GRHL1: variants seen among roughly 807,000 people sequenced by gnomAD.
GRHL1 encodes the protein grainyhead-like protein 1 homolog.
Under a neutral mutation model 75.7 loss-of-function variants are expected in GRHL1, and 38 were observed. The ratio of observed to expected loss-of-function variants is 0.50; its 90% CI spans 0.39 to 0.66. The LOEUF (loss-of-function observed/expected upper bound fraction) is 0.66. Ranked by LOEUF, GRHL1 falls within the 30% of genes least tolerant of loss-of-function variation. The probability of loss-of-function intolerance (pLI) is 0.00; values close to 1 mark genes in which losing one functional copy is unlikely to be tolerated. For missense variants in GRHL1, 589 were observed against 767.5 expected (o/e 0.77, Z 2.75); for synonymous variants, 266 against 279.4 (o/e 0.95, Z 0.48).
At chr2:9,952,300 T>A (rs1666823506) in intron 1 of GRHL1, among the ~76,000 whole-genome samples, 1 of 152,144 alleles carries the variant, frequency 6.6e-6, no homozygotes, top group Non-Finnish European at 1.5e-5. Context: ...CTCCAGGTAA[T>A]CTGTGGTCTC....
intron 3 of GRHL1, chr2:9,960,747 C>G: frequency 3.5e-6 from 1 of 282,588 alleles, no homozygotes; most frequent in East Asian, 6.6e-5. Flanking sequence ...CGCATAGCTT[C>G]AGGTTTCTAG....
chr2:9,982,173 A>G (rs1668223856), intron 8 of GRHL1, among the ~76,000 whole-genome samples: 1 of 152,208 alleles, frequency 6.6e-6, no homozygotes, highest in South Asian at 2.1e-4. Context: ...ATTTTGTTTA[A>G]TGTTAAAAAC....
At chr2:9,953,022 C>G (rs765441270) in intron 1 of GRHL1, 7 of 456,660 alleles carry the variant, frequency 1.5e-5, no homozygotes, top group Non-Finnish European at 3.1e-5. Flanking sequence ...AAGCCTACTT[C>G]CTGACTGTCA....
chr2:9,973,109 T>A (rs1667802422), intron 8 of GRHL1, among the ~76,000 whole-genome samples: 1 of 152,216 alleles, frequency 6.6e-6, no homozygotes, highest in Non-Finnish European at 1.5e-5. Context: ...GCCAATTCTT[T>A]TTCTTTTCCC....
At chr2:9,965,404 CT>C in intron 8 of GRHL1, 23 bp downstream of exon 8, 5 of 1,317,356 alleles carry the variant, frequency 3.8e-6, no homozygotes, top group Non-Finnish European at 5.5e-6. Context: ...GTCTGGGCGC[CT>C]TATGTCCAGC....
At chr2:9,976,897 T>C (rs900775835) in intron 8 of GRHL1, among the ~76,000 whole-genome samples, 1 of 152,234 alleles carries the variant, frequency 6.6e-6, no homozygotes, top group Non-Finnish European at 1.5e-5. Context: ...TGGAGTCACA[T>C]AAATAGCTTG....
At chr2:9,975,257 A>C (rs1667898900) in intron 8 of GRHL1, among the ~76,000 whole-genome samples, 1 of 152,220 alleles carries the variant, frequency 6.6e-6, no homozygotes, top group African/African-American at 2.4e-5. Context: ...GTATTTGTCA[A>C]ATAAAAATTG....
chr2:9,998,821 T>TAC lies in GRHL1; in HGVS notation c.1678-140_1678-139dup, dbSNP rs1213618877. 2.2e-4 allele frequency: 24 copies of TAC among 106,728 alleles called. 2 individuals are homozygous for TAC. Among genetic ancestry groups the TAC allele is most frequent in the Admixed American group, 3.0e-4 (2 of 6,566 alleles). The allele number at this position is 106,728 out of a possible 1,614,324, so 6.6% of individuals were successfully genotyped here. On this transcript the variant is annotated intron_variant, in intron 14 of 15. Coordinates refer to ENST00000324907, the MANE Select transcript of GRHL1 (RefSeq NM_198182.3). Reference sequence around the variant, plus strand: ...ACACATATATATACGTATATATATGTACACATATATATATACGTATATATA... The same window carrying TAC: ...ACACATATATATACGTATATATATGTACACACATATATATATACGTATATATA...
chr2:9,953,421 T>C (rs1317387196), intron 1 of GRHL1, among the ~76,000 whole-genome samples: 1 of 152,246 alleles, frequency 6.6e-6, no homozygotes, highest in African/African-American at 2.4e-5. Flanking sequence ...CTTTGTATAT[T>C]TCTTTATTTT....
chr2:9,962,589 C>A, intron 5 of GRHL1, 58 bp downstream of exon 5: 1 of 935,862 alleles, frequency 1.1e-6, no homozygotes, highest in Non-Finnish European at 1.7e-6. Context: ...TTATTCCTTT[C>A]TTGTTAACTT....
At position 9,990,742 on chromosome 2, in the gene GRHL1, G is replaced by A; in HGVS notation, c.1316G>A (p.Arg439Lys). Reference protein sequence around the residue: ...IRDEERKQSKRKVSDVKVPLL... With the variant: ...IRDEERKQSKKKVSDVKVPLL... ...GATGAAGAACGAAAGCAAAGCAAAA[G>A]AAAAGGCAAGTGTCCTGACCCCAGC... The change falls in exon 10 of 16, where the codon AGA (arginine) becomes AAA (lysine). Residue 439 changes from arginine to lysine, a missense_variant. Transcript: ENST00000324907. This position sits in a 1 kb window ranked among gnomAD's most constrained non-coding sequence, Gnocchi z 4.2. The A allele has an allele frequency of 6.2e-7, 1 of 1,612,172 alleles. No homozygotes were observed. The highest frequency in any genetic ancestry group is 2.2e-5 in the East Asian group (1 of 44,794).
In GRHL1 at chr2:9,954,934, C is replaced by A. The variant is rs1205014245; in HGVS notation, c.40C>A (p.Leu14Ile). Residue 14 changes from leucine to isoleucine, a missense_variant, in exon 2 of 16, where the codon CTT becomes ATT. Around this residue, in one of 5 missense-constraint regions of GRHL1, gnomAD observed 362 missense variants for 461.8 expected, o/e 0.78. Transcript: ENST00000324907. Reference protein sequence around the residue: ...EYDNKRPVLVLQNEALYPQRR... With the variant: ...EYDNKRPVLVIQNEALYPQRR... ...CTGAAGCAAACGGCCAGTGTTGGTTCTTCAGAATGAAGCACTTTATCCACA... is the reference window on the plus strand; with the variant it reads ...CTGAAGCAAACGGCCAGTGTTGGTTATTCAGAATGAAGCACTTTATCCACA... The A allele has an allele frequency of 6.2e-7, 1 of 1,612,942 alleles. No individual in the cohort carries two copies. The highest frequency in any genetic ancestry group is 8.5e-7 in the Non-Finnish European group (1 of 1,179,166).
chr2:9,984,703 C>A (rs1336472173), intron 8 of GRHL1, among the ~76,000 whole-genome samples: 1 of 152,148 alleles, frequency 6.6e-6, no homozygotes, highest in South Asian at 2.1e-4. Context: ...TGCTCAGGCA[C>A]ATGCTAGCAG....
chr2:9,984,646 C>G (rs1428943814), intron 8 of GRHL1, among the ~76,000 whole-genome samples: 2 of 152,144 alleles, frequency 1.3e-5, no homozygotes, highest in Non-Finnish European at 2.9e-5. Context: ...CCTTCCATTT[C>G]GAAGGTGGGG....
chr2:9,977,132 TA>T (rs1380274892), intron 8 of GRHL1, among the ~76,000 whole-genome samples: 1 of 152,242 alleles, frequency 6.6e-6, no homozygotes, highest in African/African-American at 2.4e-5. Flanking sequence ...AACTTTATAT[TA>T]GCTCTTTTTA....
In GRHL1 at chr2:9,965,308, A is replaced by T. The variant is rs145297770; in HGVS notation, c.1037A>T (p.Asn346Ile). The T allele has an allele frequency of 1.9e-6, 3 of 1,607,818 alleles. No individual in the cohort carries two copies. The African/African-American group carries it at 4.0e-5, about 21-fold the overall frequency. ...IDIADYKESF[N>I]TISNIEEIAY... ...GTAGCTGACTATAAAGAAAGCTTCA[A>T]CACTATCAGTAACATCGAGGAGATT... The change falls in exon 8 of 16, where the codon AAC becomes ATC. Residue 346 changes from asparagine to isoleucine, a missense_variant. By Grantham distance (149) the Asn-to-Ile change is moderately radical (BLOSUM62 -3). Transcript: ENST00000324907.
intron 2 of GRHL1, 60 bp from the exon 3 acceptor site, chr2:9,958,726 T>C: frequency 7.8e-7 from 1 of 1,273,912 alleles, no homozygotes; most frequent in Non-Finnish European, 1.1e-6. Flanking sequence ...GGCTGTATCT[T>C]TGGGTAAACT....
At chr2:9,973,871 G>A (rs1000232093) in intron 8 of GRHL1, among the ~76,000 whole-genome samples, 2 of 152,204 alleles carry the variant, frequency 1.3e-5, no homozygotes, top group Admixed American at 1.3e-4. Flanking sequence ...CGCTGCTACT[G>A]TCTCATGGAG....
Position 10,001,722 on chromosome 2 carries a change from G to A in GRHL1, c.*1015G>A, listed in dbSNP as rs979610885. The A allele has an allele frequency of 1.2e-4, 19 of 152,212 alleles. No individual in the cohort carries two copies. Among genetic ancestry groups the A allele is most frequent in the African/African-American group, 4.1e-4 (17 of 41,464 alleles). 9.4% of individuals were successfully genotyped at this position (152,212 alleles called of 1,614,324 possible). On this transcript the variant is annotated 3_prime_UTR_variant, in exon 16 of 16. Coordinates refer to ENST00000324907, the MANE Select transcript of GRHL1 (RefSeq NM_198182.3). ...AAAAGAAAAACACTACTGCAATCAC[G>A]TCTTTTGTTATGCTAGTATCAGTCA...
Sources: gnomAD v4.1 joint callset for allele counts (sites outside exome capture counted in the v4.1 genomes callset) on GRCh38, gnomAD v4.1.1 for gene constraint, gnomAD v4.1.1 regional missense constraint, Gnocchi (gnomAD v3.1) non-coding constraint, MANE v1.5 for transcripts, NCBI Gene and HGNC (gene_info 2026-07-23, HGNC 2026-07-21) for gene names.